The following KIAA1958 variants were observed in gnomAD, a reference collection of about 807,000 sequenced individuals.
The protein encoded by KIAA1958 is uncharacterized protein KIAA1958.
A neutral mutation model predicts 47.2 loss-of-function variants in KIAA1958; 14 were observed. That is an observed-to-expected ratio of 0.30 (90% CI 0.20 to 0.46). The LOEUF (loss-of-function observed/expected upper bound fraction) is 0.46. KIAA1958 is among the 20% of genes least tolerant of loss of function. KIAA1958 has a pLI of 1.00. For missense variants in KIAA1958, 803 were observed against 909.2 expected, an observed-to-expected ratio of 0.88 and a Z score of 1.50; for synonymous variants, 354 against 353.3, an observed-to-expected ratio of 1.00 and a Z score of -0.02.
intron 2 of KIAA1958, among the ~76,000 whole-genome samples, chr9:112,629,508 T>A (rs1836673845): frequency 6.6e-6 from 1 of 152,204 alleles, no homozygotes; most frequent in Non-Finnish European, 1.5e-5. Flanking sequence ...AATATGTGAC[T>A]GATGCTTTTG....
At chr9:112,640,467 G>A (rs1208397155) in intron 2 of KIAA1958, among the ~76,000 whole-genome samples, 3 of 152,166 alleles carry the variant, frequency 2.0e-5, no homozygotes, top group African/African-American at 7.2e-5. Flanking sequence ...TATATGCAGA[G>A]TGTTGACTCA....
intron 1 of KIAA1958, among the ~76,000 whole-genome samples, chr9:112,553,902 A>G (rs1269745892): frequency 6.6e-6 from 1 of 152,230 alleles, no homozygotes; most frequent in Non-Finnish European, 1.5e-5. Context: ...TATTTATTGA[A>G]TGAATAAATA....
chr9:112,562,424 AC>A (rs1835349072), intron 1 of KIAA1958, among the ~76,000 whole-genome samples: 1 of 152,050 alleles, frequency 6.6e-6, no homozygotes, highest in Non-Finnish European at 1.5e-5. Flanking sequence ...CAGGCTCTTC[AC>A]CCCTGCACTG....
In KIAA1958 at chr9:112,639,895, A is replaced by C. The variant is rs192393321; in HGVS notation, c.1172-5755A>C. Among the ~76,000 whole-genome samples, 370 of 152,370 alleles carry C rather than the reference A, an allele frequency of 2.4e-3. 1 individual carries two copies. Among genetic ancestry groups the C allele is most frequent in the South Asian group, 0.021 (103 of 4,832 alleles). ...AAAAAGGGAAGAAGAGGAAGAAGAG[A>C]AAAAGGAAAGAATTCTAGAATTTCT... On this transcript the variant is annotated intron_variant, in intron 2 of 3. Coordinates refer to ENST00000337530, the MANE Select transcript of KIAA1958 (RefSeq NM_133465.4).
At chr9:112,614,598 T>C (rs1836379804) in intron 2 of KIAA1958, among the ~76,000 whole-genome samples, 1 of 152,232 alleles carries the variant, frequency 6.6e-6, no homozygotes, top group African/African-American at 2.4e-5. Flanking sequence ...CTCTTACTCA[T>C]GTAAAATCAA....
At chr9:112,508,287 A>G (rs192669906) in intron 1 of KIAA1958, among the ~76,000 whole-genome samples, 3 of 152,346 alleles carry the variant, frequency 2.0e-5, no homozygotes, top group Middle Eastern at 3.4e-3. Flanking sequence ...ATACACTACT[A>G]GTATGCATCT....
At chr9:112,518,774 A>T (rs1564156678) in intron 1 of KIAA1958, among the ~76,000 whole-genome samples, 1 of 152,232 alleles carries the variant, frequency 6.6e-6, no homozygotes, top group Non-Finnish European at 1.5e-5. Flanking sequence ...AAAATAGGAA[A>T]GAACAGTATG....
At chr9:112,585,089 T>G (rs749847044) in intron 2 of KIAA1958, among the ~76,000 whole-genome samples, 4 of 152,236 alleles carry the variant, frequency 2.6e-5, no homozygotes, top group Non-Finnish European at 5.9e-5. Flanking sequence ...GGGAGACATG[T>G]CTCTTAGTCT....
chr9:112,511,032 G>A (rs986596287), intron 1 of KIAA1958, among the ~76,000 whole-genome samples: 4 of 152,054 alleles, frequency 2.6e-5, no homozygotes, highest in Non-Finnish European at 4.4e-5. Flanking sequence ...AGAGAGGTAG[G>A]CAGGTAGAGG....
chr9:112,515,265 G>T (rs1209531679), intron 1 of KIAA1958, among the ~76,000 whole-genome samples: 2 of 108,816 alleles, frequency 1.8e-5, no homozygotes, highest in South Asian at 6.8e-4. Flanking sequence ...GAGGTGGGGG[G>T]GTCAGCCCCC....
intron 1 of KIAA1958, among the ~76,000 whole-genome samples, chr9:112,521,578 A>T (rs1194411643): frequency 6.6e-6 from 1 of 152,048 alleles, no homozygotes; most frequent in Non-Finnish European, 1.5e-5. Context: ...TTATCATGTT[A>T]ATTTTTAGTT....
intron 1 of KIAA1958, among the ~76,000 whole-genome samples, chr9:112,513,161 T>C (rs7851012): frequency 1.1e-3 from 157 of 146,808 alleles, no homozygotes; most frequent in African/African-American, 3.9e-3. Flanking sequence ...CACGCCACCA[T>C]GCCCAGCTAA....
At chr9:112,520,014 T>A (rs1834510103) in intron 1 of KIAA1958, among the ~76,000 whole-genome samples, 2 of 152,210 alleles carry the variant, frequency 1.3e-5, no homozygotes, top group Non-Finnish European at 2.9e-5. Flanking sequence ...TGATATGTCA[T>A]CTTAATTAAG....
intron 1 of KIAA1958, among the ~76,000 whole-genome samples, chr9:112,556,870 A>G (rs911526770): frequency 1.3e-5 from 2 of 152,204 alleles, no homozygotes; most frequent in Non-Finnish European, 2.9e-5. Flanking sequence ...GGGAGACACA[A>G]TGCTAAGTAG....
chr9:112,612,628 C>T (rs1836345092), intron 2 of KIAA1958, among the ~76,000 whole-genome samples: 1 of 151,882 alleles, frequency 6.6e-6, no homozygotes. Context: ...ATTAAATAAG[C>T]AAAGATGAAG....
At chr9:112,521,385 T>A (rs1422684342) in intron 1 of KIAA1958, among the ~76,000 whole-genome samples, 2 of 152,120 alleles carry the variant, frequency 1.3e-5, no homozygotes, top group African/African-American at 4.8e-5. Flanking sequence ...GCTAATTTTT[T>A]AAATTTTTTG....
intron 2 of KIAA1958, among the ~76,000 whole-genome samples, chr9:112,641,729 A>G (rs1208558378): frequency 6.6e-6 from 1 of 152,074 alleles, no homozygotes; most frequent in Non-Finnish European, 1.5e-5. Context: ...CCCTGTAGGG[A>G]AGAGTCCTTC....
chr9:112,613,531 A>G (rs1197374962), intron 2 of KIAA1958, among the ~76,000 whole-genome samples: 2 of 152,222 alleles, frequency 1.3e-5, no homozygotes, highest in Non-Finnish European at 2.9e-5. Flanking sequence ...TTAAAATATC[A>G]TTAAAAAATG....
chr9:112,560,450 A>G (rs1045851638), intron 1 of KIAA1958, among the ~76,000 whole-genome samples: 4 of 152,036 alleles, frequency 2.6e-5, no homozygotes, highest in African/African-American at 9.7e-5. Context: ...TTGGCCTCCC[A>G]AAGTGCTGAG....
Sources: gnomAD v4.1 joint callset for allele counts (sites outside exome capture counted in the v4.1 genomes callset) on GRCh38, gnomAD v4.1.1 for gene constraint, MANE v1.5 for transcripts, NCBI Gene and HGNC (gene_info 2026-07-23, HGNC 2026-07-21) for gene names.